IFI6: variants seen among roughly 807,000 people sequenced by gnomAD.
The protein encoded by IFI6 is interferon alpha-inducible protein 6.
Under a neutral mutation model 12.7 loss-of-function variants are expected in IFI6, and 10 were observed. The ratio of observed to expected loss-of-function variants is 0.79; its 90% CI spans 0.49 to 1.33. The LOEUF is 1.33. Among genes scored for constraint, IFI6 ranks in the 40% most tolerant of loss-of-function variants. The pLI is 0.00. For synonymous variants in IFI6, 89 were observed against 86.2 expected (o/e 1.03, Z -0.18); for missense variants, 154 against 180.4 (o/e 0.85, Z 0.84).
At position 27,666,448 on chromosome 1, in the gene IFI6, C is replaced by T; in HGVS notation, c.326G>A (p.Gly109Asp). ...GTAGCCCATCAGGGCACCAATATTA[C>T]CTATGACGACGCTGCTGCCACCAGC... ...LGAGGSSVVI[G>D]NIGALMGYAT... is the part of the protein sequence containing the mutation. Residue 109 changes from glycine (G) to aspartate (D), a missense_variant, in exon 5 of 5, where the codon GGT becomes GAT. By Grantham distance (94) the Gly-to-Asp change is moderately conservative. Transcript: ENST00000361157. 6.2e-7 allele frequency: 1 copy of T among 1,613,928 alleles called. No individual in the cohort carries two copies. Among genetic ancestry groups the T allele is most frequent in the East Asian group, 2.2e-5 (1 of 44,866 alleles).
In IFI6 at chr1:27,666,418, G is replaced by T; in HGVS notation, c.356C>A (p.Thr119Asn). 1 of 1,613,796 alleles carries T rather than the reference G, an allele frequency of 6.2e-7. No homozygotes were observed. Among genetic ancestry groups the T allele is most frequent in the East Asian group, 2.2e-5 (1 of 44,878 alleles). Residue 119 changes from threonine to asparagine, a missense_variant, in exon 5 of 5, where the codon ACC (threonine) becomes AAC (asparagine). Coordinates refer to ENST00000361157, the MANE Select transcript of IFI6 (RefSeq NM_002038.4). Reference sequence around the variant, plus strand: ...CTCCTCACTATCGAGATACTTGTGGGTGGCGTAGCCCATCAGGGCACCAAT... The same window carrying T: ...CTCCTCACTATCGAGATACTTGTGGTTGGCGTAGCCCATCAGGGCACCAAT... Reference protein sequence around the residue: ...GNIGALMGYATHKYLDSEEDE... With the variant: ...GNIGALMGYANHKYLDSEEDE...
chr1:27,671,578 G>A (rs2090404839), intron 1 of IFI6, among the ~76,000 whole-genome samples: 1 of 151,698 alleles, frequency 6.6e-6, no homozygotes. Flanking sequence ...AGTAGAGACA[G>A]GGTTTCACTG....
At chr1:27,667,358 G>A (rs2090360134) in intron 4 of IFI6, among the ~76,000 whole-genome samples, 1 of 151,500 alleles carries the variant, frequency 6.6e-6, no homozygotes, top group South Asian at 2.1e-4. Flanking sequence ...CGAGGCTGCT[G>A]TGAGCTGTGA....
rs1482931086 is a variant in IFI6 at position 27,668,265 on chromosome 1, C to G, written c.259G>C (p.Val87Leu). Residue 87 changes from valine (V) to leucine (L), a missense_variant, in exon 4 of 5, where the codon GTG becomes CTG. Coordinates refer to ENST00000361157, the MANE Select transcript of IFI6 (RefSeq NM_002038.4). ...SWSAILNGGG[V>L]PAGGLVATLQ... ...GTGGCCACTAGCCCCCCGGCGGGCA[C>G]GCCGCCCCCATTCAGGATCGCAGAC... is the stretch of plus-strand genomic sequence containing the variant. 6.3e-7 allele frequency: 1 copy of G among 1,578,556 alleles called. No homozygotes were observed.
intron 1 of IFI6, 120 bp downstream of exon 1, chr1:27,672,003 G>A (rs2090407715): frequency 6.6e-6 from 1 of 152,202 alleles, no homozygotes; most frequent in Non-Finnish European, 1.5e-5. Context: ...AGGGACCCAG[G>A]AGTGCTGCCT....
intron 2 of IFI6, 31 bp downstream of exon 2, chr1:27,669,214 C>G (rs370312866): frequency 6.5e-7 from 1 of 1,549,080 alleles, no homozygotes; most frequent in Non-Finnish European, 8.7e-7. Context: ...CTTACCTGTC[C>G]CCTTACCTGC....
chr1:27,669,118 T>G, intron 2 of IFI6, 127 bp downstream of exon 2: 2 of 1,108,646 alleles, frequency 1.8e-6, no homozygotes, highest in South Asian at 2.7e-5. Flanking sequence ...CTTACCCGCA[T>G]CCTTACCTGC....
intron 2 of IFI6, among the ~76,000 whole-genome samples, chr1:27,668,798 C>G (rs1196546045): frequency 6.6e-6 from 1 of 152,196 alleles, no homozygotes; most frequent in South Asian, 2.1e-4. Flanking sequence ...CCTGCGCTGT[C>G]CATTGGAATG....
Position 27,669,362 on chromosome 1 carries a change from A to T in IFI6, c.-32-16T>A. On this transcript the variant is annotated splice_polypyrimidine_tract_variant and intron_variant, in intron 1 of 4. Transcript: ENST00000361157. ...GTCACTAGACCTGCGAACGGGCGAG[A>T]GGGAGATGGTCCCCGGAGCATTTTT... 1 of 1,491,462 alleles carries T rather than the reference A, an allele frequency of 6.7e-7. No individual in the cohort carries two copies. Among genetic ancestry groups the T allele is most frequent in the Non-Finnish European group, 9.2e-7 (1 of 1,092,784 alleles). 92.4% of individuals were successfully genotyped at this position (1,491,462 alleles called of 1,614,324 possible). A position where few individuals can be genotyped will look rare whatever the true frequency, so the allele number is the denominator to read the frequency against.
In IFI6 at chr1:27,668,641, C is replaced by T. The variant is rs139510115; in HGVS notation, c.71-106G>A. On this transcript the variant is annotated intron_variant, in intron 2 of 4. Transcript: ENST00000361157. ...CCACTCCTGGAGGCGGGGGCCACCA[C>T]TCTCCTACTCAGAGAGCCTCACAGA... The T allele has an allele frequency of 4.9e-5, 41 of 834,412 alleles. No individual in the cohort carries two copies. The African/African-American group carries it at 6.0e-4, about 12-fold the overall frequency. The allele number at this position is 834,412 out of a possible 1,614,324, so 51.7% of individuals were successfully genotyped here.
intron 4 of IFI6, 65 bp downstream of exon 4, chr1:27,668,161 C>G (rs2090365269): frequency 1.5e-6 from 2 of 1,361,910 alleles, no homozygotes; most frequent in Non-Finnish European, 1.9e-6. Flanking sequence ...GCCTCAGTTT[C>G]CCCAGATGTA....
At chr1:27,667,656 A>G (rs529996772) in intron 4 of IFI6, among the ~76,000 whole-genome samples, 13 of 152,224 alleles carry the variant, frequency 8.5e-5, no homozygotes, top group Non-Finnish European at 1.9e-4. Context: ...GAGGCTTGTG[A>G]TTTGGCCAAA....
chr1:27,668,575 T>G, intron 2 of IFI6, 40 bp from the exon 3 acceptor site: 3 of 1,531,572 alleles, frequency 2.0e-6, no homozygotes, highest in Non-Finnish European at 2.7e-6. Context: ...GGTGTTGGGG[T>G]GGGACACAGG....
rs2090379076 is a variant in IFI6 at position 27,668,971 on chromosome 1, GCATCCTTACCCA to G, written c.70+262_70+273del. Among the ~76,000 whole-genome samples, 4 of 150,046 alleles carry G rather than the reference GCATCCTTACCCA, an allele frequency of 2.7e-5. No individual in the cohort carries two copies. The South Asian group carries it at 8.6e-4, about 32-fold the overall frequency. ...TGTTCCCTTACCTGCACCCTTACCT[GCATCCTTACCCA>G]CATCCTTACCTGCATCCTTACCCGC... is the stretch of plus-strand genomic sequence containing the variant. On this transcript the variant is annotated intron_variant, in intron 2 of 4. Transcript: ENST00000361157.
intron 4 of IFI6, among the ~76,000 whole-genome samples, chr1:27,667,508 G>T (rs1210693836): frequency 1.3e-5 from 2 of 152,180 alleles, no homozygotes; most frequent in Non-Finnish European, 1.5e-5. Context: ...TTCAAAAAGT[G>T]CAAGTCAAGA....
At position 27,668,257 on chromosome 1, in the gene IFI6, G is replaced by T; in HGVS notation, c.267C>A (p.Ala89=). ...TCTGCAGCGTGGCCACTAGCCCCCC[G>T]GCGGGCACGCCGCCCCCATTCAGGA... ...SAILNGGGVP[A]GGLVATLQSL... The change falls in exon 4 of 5, where the codon GCC becomes GCA. Residue 89 remains alanine, a synonymous_variant. Coordinates refer to ENST00000361157, the MANE Select transcript of IFI6 (RefSeq NM_002038.4). The T allele has an allele frequency of 6.3e-7, 1 of 1,575,338 alleles. No homozygotes were observed. The highest frequency in any genetic ancestry group is 8.6e-7 in the Non-Finnish European group (1 of 1,166,126).
At chr1:27,671,180 T>C (rs2090401152) in intron 1 of IFI6, among the ~76,000 whole-genome samples, 1 of 152,194 alleles carries the variant, frequency 6.6e-6, no homozygotes, top group South Asian at 2.1e-4. Context: ...CTCTCATGTA[T>C]TGAGTACTTA....
chr1:27,671,167 C>T (rs2090401010), intron 1 of IFI6, among the ~76,000 whole-genome samples: 1 of 152,190 alleles, frequency 6.6e-6, no homozygotes, highest in Non-Finnish European at 1.5e-5. Flanking sequence ...AAACAAGAAA[C>T]TCCTCTCATG....
intron 4 of IFI6, among the ~76,000 whole-genome samples, chr1:27,667,240 CAAAAAAAAAAAAA>C (rs761365595): frequency 2.2e-3 from 27 of 12,284 alleles, no homozygotes; most frequent in South Asian, 8.3e-3. Flanking sequence ...CCCGTCTCTA[CAAAAAAAAAAAAA>C]AAAAAAAAAA....
Sources: allele counts gnomAD v4.1 joint callset (sites outside exome capture counted in the v4.1 genomes callset), GRCh38; gene constraint gnomAD v4.1.1; transcripts MANE v1.5; gene names NCBI Gene and HGNC (gene_info 2026-07-23, HGNC 2026-07-21).